PRR16: variants seen among roughly 807,000 people sequenced by gnomAD.
The protein encoded by PRR16 is protein Largen.
PRR16 carries 6 observed loss-of-function variants against 18.2 expected under a neutral mutation model. The observed-to-expected ratio is 0.33, with a 90% CI of 0.18 to 0.65. The LOEUF (loss-of-function observed/expected upper bound fraction) is 0.65, where lower values mean the gene tolerates loss of function less well. PRR16 is among the 30% of genes least tolerant of loss of function. The pLI, the probability that PRR16 is intolerant of heterozygous loss-of-function variation, is 0.74. For missense variants in PRR16, 412 were observed against 376.6 expected, an observed-to-expected ratio of 1.09 and a Z score of -0.78; for synonymous variants, 151 against 147.8, an observed-to-expected ratio of 1.02 and a Z score of -0.16.
chr5:120,583,597 G>C (rs1048942646), intron 1 of PRR16, among the ~76,000 whole-genome samples: 14 of 152,142 alleles, frequency 9.2e-5, no homozygotes, highest in Middle Eastern at 3.2e-3. Context: ...TGAAAGAACT[G>C]TGTCAAGACT....
chr5:120,567,722 G>T (rs1157603735), intron 1 of PRR16, among the ~76,000 whole-genome samples: 1 of 152,174 alleles, frequency 6.6e-6, no homozygotes, highest in African/African-American at 2.4e-5. Context: ...ACCATGCGAA[G>T]ATGTGCTTGC....
rs187272558 is a variant in PRR16, at chr5:120,634,187, A to G, written c.160-51767A>G. ...TCTGCTCCTGAGTGATCACTGGGTC[A>G]CAATGAAATCAAGATGGAAATTAAA... On this transcript the variant is annotated intron_variant, in intron 1 of 1. Coordinates refer to ENST00000407149, the MANE Select transcript of PRR16 (RefSeq NM_001300783.2). Among the ~76,000 whole-genome samples the G allele has an allele frequency of 2.2e-3, 330 of 152,322 alleles. 1 individual carries two copies. The highest frequency in any genetic ancestry group is 6.8e-3 in the Middle Eastern group (2 of 294).
At chr5:120,720,474 A>C in the PRR16 span, among the ~76,000 whole-genome samples, 1 of 152,014 alleles carries the variant, frequency 6.6e-6, no homozygotes, top group Admixed American at 6.6e-5. Context: ...ATGTCAGAGA[A>C]TATTAGTTCT....
At chr5:120,691,926 C>A (rs1264371965), downstream of PRR16, among the ~76,000 whole-genome samples, 6 of 152,312 alleles carry the variant, frequency 3.9e-5, no homozygotes, top group Admixed American at 3.9e-4. Context: ...AAAACATCTT[C>A]TTTTCCTTCA....
At chr5:120,481,178 C>A in intron 1 of PRR16, 1 of 972,054 alleles carries the variant, frequency 1.0e-6, no homozygotes, top group Non-Finnish European at 1.4e-6. Flanking sequence ...GATGAAGTCC[C>A]ACTCTGTTGC....
intron 1 of PRR16, among the ~76,000 whole-genome samples, chr5:120,547,558 C>CG (rs1203665623): frequency 5.5e-5 from 8 of 145,382 alleles, no homozygotes; most frequent in African/African-American, 2.0e-4. Context: ...GATGCATTTT[C>CG]ATTTTTTTTT....
intron 1 of PRR16, among the ~76,000 whole-genome samples, chr5:120,676,082 A>G (rs1283584758): frequency 2.6e-5 from 4 of 152,284 alleles, no homozygotes; most frequent in African/African-American, 9.6e-5. Flanking sequence ...TTCTGACAGT[A>G]TGATTAGATA....
intron 1 of PRR16, among the ~76,000 whole-genome samples, chr5:120,487,119 T>A (rs1402401494): frequency 1.3e-5 from 2 of 152,224 alleles, no homozygotes; most frequent in Non-Finnish European, 2.9e-5. Flanking sequence ...AGGATTGACT[T>A]GGCAATGCGT....
intron 1 of PRR16, among the ~76,000 whole-genome samples, chr5:120,677,325 CT>C (rs1392872742): frequency 1.3e-5 from 2 of 152,158 alleles, no homozygotes; most frequent in Admixed American, 6.5e-5. Flanking sequence ...CTCTGTTAGG[CT>C]TATATGAGGG....
At chr5:120,779,538 A>G in the PRR16 span, among the ~76,000 whole-genome samples, 6 of 152,192 alleles carry the variant, frequency 3.9e-5, no homozygotes, top group African/African-American at 1.4e-4. Context: ...CAGATGATGC[A>G]GTAAATGTTC....
intron 1 of PRR16, among the ~76,000 whole-genome samples, chr5:120,476,491 T>C (rs1444743624): frequency 6.6e-6 from 1 of 152,208 alleles, no homozygotes; most frequent in Non-Finnish European, 1.5e-5. Context: ...GATTACTAAC[T>C]ATGTAACCTT....
the PRR16 span, among the ~76,000 whole-genome samples, chr5:120,741,880 C>T: frequency 6.6e-6 from 1 of 152,200 alleles, no homozygotes; most frequent in East Asian, 1.9e-4. Flanking sequence ...GGATTGCAGG[C>T]ATGAGCCACC....
At chr5:120,489,499 T>G (rs1218760920) in intron 1 of PRR16, among the ~76,000 whole-genome samples, 1 of 152,198 alleles carries the variant, frequency 6.6e-6, no homozygotes, top group Non-Finnish European at 1.5e-5. Flanking sequence ...GTTTTCCATT[T>G]GCTTGGTAGA....
the PRR16 span, among the ~76,000 whole-genome samples, chr5:120,784,735 A>T: frequency 2.0e-5 from 3 of 152,214 alleles, no homozygotes; most frequent in Admixed American, 1.3e-4. Flanking sequence ...CCAGGTCTCA[A>T]GGAAACTTTT....
chr5:120,754,274 TA>T, the PRR16 span, among the ~76,000 whole-genome samples: 1 of 37,186 alleles, frequency 2.7e-5, no homozygotes, highest in South Asian at 9.0e-4. Context: ...AAATATAAAA[TA>T]ATATATAAAT....
chr5:120,697,991 G>A, the PRR16 span, among the ~76,000 whole-genome samples: 4 of 152,174 alleles, frequency 2.6e-5, no homozygotes, highest in Admixed American at 6.5e-5. Flanking sequence ...ATACGTGCAA[G>A]TCACAGGGGA....
chr5:120,664,442 GAAA>G (rs1429163956), intron 1 of PRR16, among the ~76,000 whole-genome samples: 1 of 95,822 alleles, frequency 1.0e-5, no homozygotes, highest in Admixed American at 1.3e-4. Flanking sequence ...GAAAATTTGA[GAAA>G]AAATGTTTTT....
intron 1 of PRR16, among the ~76,000 whole-genome samples, chr5:120,525,976 C>T (rs1300325191): frequency 1.3e-5 from 2 of 152,078 alleles, no homozygotes; most frequent in Admixed American, 1.3e-4. Context: ...CAGATTAAAC[C>T]AGATCTGAAG....
chr5:120,764,412 T>A, the PRR16 span, among the ~76,000 whole-genome samples: 2 of 152,108 alleles, frequency 1.3e-5, no homozygotes, highest in Non-Finnish European at 2.9e-5. Flanking sequence ...TAAATCCCAC[T>A]TGATCATTAT....
Sources: allele counts gnomAD v4.1 joint callset (sites outside exome capture counted in the v4.1 genomes callset), GRCh38; gene constraint gnomAD v4.1.1; transcripts MANE v1.5; gene names NCBI Gene and HGNC (gene_info 2026-07-23, HGNC 2026-07-21).